Variants in SCLT1 observed in about 807,000 individuals in gnomAD.
The protein encoded by SCLT1 is sodium channel and clathrin linker 1.
A neutral mutation model predicts 112.8 loss-of-function variants in SCLT1; 78 were observed. That is an observed-to-expected ratio of 0.69 (90% CI 0.58 to 0.83). The LOEUF is 0.83. Ranked by LOEUF, SCLT1 falls within the 40% of genes least tolerant of loss-of-function variation. The pLI is 0.00. For missense variants in SCLT1, 747 were observed against 770.4 expected (o/e 0.97, Z 0.36); for synonymous variants, 257 against 254.7 (o/e 1.01, Z -0.09).
intron 9 of SCLT1, among the ~76,000 whole-genome samples, chr4:128,973,540 G>C (rs959846663): frequency 1.3e-5 from 2 of 151,252 alleles, no homozygotes; most frequent in Non-Finnish European, 2.9e-5. Flanking sequence ...GAAAGAGAGA[G>C]AGAATGTTAC....
chr4:129,075,066 T>C (rs1751344387), intron 2 of SCLT1, among the ~76,000 whole-genome samples: 1 of 152,114 alleles, frequency 6.6e-6, no homozygotes, highest in African/African-American at 2.4e-5. Flanking sequence ...CAGAAAAAAA[T>C]GTCAATAATA....
At chr4:129,045,858 C>A (rs574306046) in intron 2 of SCLT1, among the ~76,000 whole-genome samples, 8 of 151,850 alleles carry the variant, frequency 5.3e-5, no homozygotes, top group Admixed American at 2.0e-4. Flanking sequence ...GTGTAAGGGC[C>A]CATGGGAGGT....
chr4:129,085,678 C>G (rs1186275996), intron 1 of SCLT1, among the ~76,000 whole-genome samples: 1 of 152,174 alleles, frequency 6.6e-6, no homozygotes, highest in Non-Finnish European at 1.5e-5. Context: ...GAATACTATG[C>G]AGCCATAAAG....
intron 9 of SCLT1, 44 bp from the exon 10 acceptor site, chr4:128,970,512 C>T (rs1740602228): frequency 9.9e-7 from 1 of 1,011,286 alleles, no homozygotes; most frequent in Non-Finnish European, 1.5e-6. Flanking sequence ...TCATAGACCA[C>T]TAAGAATAAA....
At chr4:128,990,309 T>C (rs1201677006) in intron 9 of SCLT1, among the ~76,000 whole-genome samples, 1 of 151,862 alleles carries the variant, frequency 6.6e-6, no homozygotes, top group East Asian at 1.9e-4. Flanking sequence ...TGAAAATCAA[T>C]AAATGTGATG....
At chr4:129,028,296 C>A (rs1282695914) in intron 5 of SCLT1, among the ~76,000 whole-genome samples, 1 of 151,100 alleles carries the variant, frequency 6.6e-6, no homozygotes, top group Non-Finnish European at 1.5e-5. Flanking sequence ...GCTACAGTAA[C>A]CAAAACAGCA....
At chr4:129,027,974 G>A (rs1316312848) in intron 5 of SCLT1, among the ~76,000 whole-genome samples, 6 of 152,068 alleles carry the variant, frequency 3.9e-5, no homozygotes, top group Non-Finnish European at 5.9e-5. Context: ...TACAAGGGAC[G>A]GGAAGGACCT....
At chr4:129,009,985 A>G (rs1230606987) in intron 5 of SCLT1, among the ~76,000 whole-genome samples, 2 of 152,084 alleles carry the variant, frequency 1.3e-5, no homozygotes, top group African/African-American at 2.4e-5. Flanking sequence ...CTTTTATTGC[A>G]ATTGCTTTTG....
At chr4:129,052,186 T>A (rs1203558271) in intron 2 of SCLT1, among the ~76,000 whole-genome samples, 2 of 152,184 alleles carry the variant, frequency 1.3e-5, no homozygotes, top group East Asian at 3.8e-4. Flanking sequence ...TGAAATTTTC[T>A]TTTTTTGTTG....
intron 3 of SCLT1, among the ~76,000 whole-genome samples, chr4:129,043,740 C>T (rs1244324568): frequency 6.6e-6 from 1 of 152,180 alleles, no homozygotes; most frequent in Non-Finnish European, 1.5e-5. Flanking sequence ...AGCAGCCTCA[C>T]TTTCCATAGT....
At chr4:128,953,317 C>A (rs752296045) in intron 13 of SCLT1, among the ~76,000 whole-genome samples, 1 of 152,124 alleles carries the variant, frequency 6.6e-6, no homozygotes, top group Non-Finnish European at 1.5e-5. Context: ...TAATGTCTGG[C>A]TGAATAGAAG....
intron 5 of SCLT1, among the ~76,000 whole-genome samples, chr4:129,032,720 A>G (rs1352824670): frequency 1.3e-5 from 2 of 152,188 alleles, no homozygotes; most frequent in Non-Finnish European, 2.9e-5. Context: ...TACAGCCAAC[A>G]AACATGAAAA....
At chr4:128,990,158 T>C (rs919897939) in intron 9 of SCLT1, among the ~76,000 whole-genome samples, 2 of 151,978 alleles carry the variant, frequency 1.3e-5, no homozygotes. Flanking sequence ...TAAGGAAAGC[T>C]ATAGGCCAAC....
At chr4:129,049,300 A>T (rs1748514907) in intron 2 of SCLT1, among the ~76,000 whole-genome samples, 1 of 152,086 alleles carries the variant, frequency 6.6e-6, no homozygotes, top group African/African-American at 2.4e-5. Context: ...CTATGCAGCC[A>T]TAAAAAATGA....
Position 128,999,673 on chromosome 4 carries a change from T to A in SCLT1, c.548A>T (p.Lys183Met), listed in dbSNP as rs1234597231. Residue 183 changes from lysine (K) to methionine (M), a missense_variant and splice_region_variant, in exon 7 of 21, where the codon AAG (lysine) becomes ATG (methionine). Physicochemically the swap from Lys to Met is moderately conservative, Grantham distance 95. Coordinates refer to ENST00000281142, the MANE Select transcript of SCLT1 (RefSeq NM_144643.4). ...QIHVFESQKQ[K>M]DQLFDFQQLT... is the part of the protein sequence containing the mutation. ...GAAAATGATGAAATCCAAGATTACC[T>A]TTTGTTTTTGACTTTCAAATACATG... The A allele has an allele frequency of 1.9e-6, 3 of 1,595,394 alleles. No individual in the cohort carries two copies. The Admixed American group carries it at 5.2e-5, about 28-fold the overall frequency.
intron 5 of SCLT1, among the ~76,000 whole-genome samples, chr4:129,030,897 G>A (rs151026371): frequency 1.3e-5 from 2 of 151,612 alleles, no homozygotes; most frequent in African/African-American, 4.8e-5. Context: ...GATGTGGGGT[G>A]TAGAGGAGCT....
chr4:129,084,358 T>C (rs188338481), intron 1 of SCLT1, among the ~76,000 whole-genome samples: 159 of 152,146 alleles, frequency 1.0e-3, no homozygotes, highest in Non-Finnish European at 1.9e-3. Flanking sequence ...GGTCAATATA[T>C]AAAAATTAAT....
chr4:128,880,334 A>G (rs1039434562), downstream of SCLT1, among the ~76,000 whole-genome samples: 1 of 152,060 alleles, frequency 6.6e-6, no homozygotes, highest in African/African-American at 2.4e-5. Context: ...AATGGTTCGA[A>G]TGAAAATATG....
chr4:129,029,776 A>G (rs574170064), intron 5 of SCLT1, among the ~76,000 whole-genome samples: 3 of 152,142 alleles, frequency 2.0e-5, no homozygotes, highest in African/African-American at 4.8e-5. Context: ...TACCCTAAAT[A>G]TATGTGTACC....
Sources: gnomAD v4.1 joint callset for allele counts (sites outside exome capture counted in the v4.1 genomes callset) on GRCh38, gnomAD v4.1.1 for gene constraint, MANE v1.5 for transcripts, NCBI Gene and HGNC (gene_info 2026-07-23, HGNC 2026-07-21) for gene names.